Variants in NIPSNAP3B observed in about 807,000 individuals in gnomAD.
NIPSNAP3B encodes the protein protein NipSnap homolog 3B.
A neutral mutation model predicts 31.5 loss-of-function variants in NIPSNAP3B; 30 were observed. The observed-to-expected ratio is 0.95, with a 90% CI of 0.71 to 1.29. The LOEUF is 1.29. NIPSNAP3B is among the 50% of genes most tolerant of loss of function. The pLI, the probability that NIPSNAP3B is intolerant of heterozygous loss-of-function variation, is 0.00. For missense variants in NIPSNAP3B, 269 were observed against 300.7 expected, an observed-to-expected ratio of 0.89 and a Z score of 0.78; for synonymous variants, 106 against 107.9, an observed-to-expected ratio of 0.98 and a Z score of 0.11.
chr9:104,764,342 AGGGGAGGGGC>A, intron 1 of NIPSNAP3B, 42 bp downstream of exon 1: 1 of 1,501,804 alleles, frequency 6.7e-7, no homozygotes, highest in Non-Finnish European at 9.0e-7. Flanking sequence ...GCCGGAGGGG[AGGGGAGGGGC>A]GGGGGGTATT....
At chr9:104,789,376 A>G in the NIPSNAP3B span, among the ~76,000 whole-genome samples, 1 of 152,222 alleles carries the variant, frequency 6.6e-6, no homozygotes, top group African/African-American at 2.4e-5. Context: ...GCAGTTGTGC[A>G]GCGCTAGGCC....
At position 104,775,375 on chromosome 9, in the gene NIPSNAP3B, G is replaced by A. The variant is rs529044008; in HGVS notation, c.*2302G>A. ...AGTTCTCATTTCACTTGACTTGTTA[G>A]CAGTTGACCTCTCCTTTCTTCTGGG... On this transcript the variant is annotated 3_prime_UTR_variant, in exon 6 of 6. Transcript: ENST00000374762. 1.3e-5 allele frequency among the ~76,000 whole-genome samples: 2 copies of A among 151,996 alleles called. No individual in the cohort carries two copies. The highest frequency in any genetic ancestry group is 4.2e-4 in the South Asian group (2 of 4,808).
At chr9:104,770,497 A>G (rs1000542936) in intron 3 of NIPSNAP3B, among the ~76,000 whole-genome samples, 3 of 152,220 alleles carry the variant, frequency 2.0e-5, no homozygotes, top group Admixed American at 1.3e-4. Context: ...TAAAAAGTGT[A>G]GACAGGCAGC....
rs761613671 is a variant in NIPSNAP3B, at chr9:104,770,959, G to A, written c.541G>A (p.Val181Ile). The A allele has an allele frequency of 1.2e-6, 2 of 1,613,904 alleles. No homozygotes were observed. The highest frequency in any genetic ancestry group is 1.7e-6 in the Non-Finnish European group (2 of 1,179,808). The change falls in exon 4 of 6, where the codon GTT (valine) becomes ATT (isoleucine). Residue 181 changes from valine to isoleucine, a missense_variant. Val to Ile is a conservative substitution (Grantham distance 29). Coordinates refer to ENST00000374762, the MANE Select transcript of NIPSNAP3B (RefSeq NM_018376.4). ...TGTCAATTTAGGCTACACAAAAGTA[G>A]TTGGTGTTTTCCACACAGAATATGG... ...AHVNLGYTKV[V>I]GVFHTEYGEL...
At chr9:104,787,739 T>A in the NIPSNAP3B span, 2 of 746,396 alleles carry the variant, frequency 2.7e-6, no homozygotes, top group African/African-American at 3.8e-5. Flanking sequence ...TCTGCAGGCA[T>A]GGTACAGCCA....
the NIPSNAP3B span, chr9:104,785,685 A>G: frequency 3.7e-6 from 6 of 1,610,666 alleles, no homozygotes; most frequent in South Asian, 3.3e-5. Flanking sequence ...CCAGAAAACT[A>G]TTTAAAAGAA....
chr9:104,784,348 T>G, the NIPSNAP3B span: 1 of 1,614,116 alleles, frequency 6.2e-7, no homozygotes, highest in South Asian at 1.1e-5. Flanking sequence ...TCTCATCCTG[T>G]AGAAAAGATG....
the NIPSNAP3B span, among the ~76,000 whole-genome samples, chr9:104,790,063 T>C: frequency 6.7e-6 from 1 of 149,744 alleles, no homozygotes; most frequent in East Asian, 2.0e-4. Context: ...GCCATTGCTC[T>C]CCAGCCTGGG....
intron 1 of NIPSNAP3B, 28 bp from the exon 2 acceptor site, chr9:104,766,297 A>G: frequency 1.9e-6 from 3 of 1,586,764 alleles, no homozygotes; most frequent in Non-Finnish European, 2.6e-6. Flanking sequence ...CCTTCCCAAG[A>G]TATTTACATT....
chr9:104,770,821 G>T (rs1289346373), intron 3 of NIPSNAP3B, 28 bp from the exon 4 acceptor site: 4 of 1,605,088 alleles, frequency 2.5e-6, no homozygotes, highest in Admixed American at 1.7e-5. Context: ...TGTCTTCTGT[G>T]AAATAATTAT....
Position 104,776,396 on chromosome 9 carries a change from T to TG in NIPSNAP3B, c.*3323_*3324insG, listed in dbSNP as rs1828337184. Among the ~76,000 whole-genome samples the TG allele has an allele frequency of 6.6e-6, 1 of 151,812 alleles. No homozygotes were observed. Among genetic ancestry groups the TG allele is most frequent in the Non-Finnish European group, 1.5e-5 (1 of 67,974 alleles). On this transcript the variant is annotated 3_prime_UTR_variant, in exon 6 of 6. Coordinates refer to ENST00000374762, the MANE Select transcript of NIPSNAP3B (RefSeq NM_018376.4). Reference sequence around the variant, plus strand: ...ATCTGCTAGAGACTGAATGTTTTTGTCCCCCCAAAATTCCTATGTTGAAGC... The same window carrying TG: ...ATCTGCTAGAGACTGAATGTTTTTGTGCCCCCCAAAATTCCTATGTTGAAGC...
At chr9:104,767,523 T>C (rs927556498) in intron 2 of NIPSNAP3B, among the ~76,000 whole-genome samples, 2 of 152,170 alleles carry the variant, frequency 1.3e-5, no homozygotes, top group African/African-American at 4.8e-5. Context: ...TAATTTAATA[T>C]GAAAAGTGTT....
At chr9:104,785,653 A>T in the NIPSNAP3B span, 2 of 1,613,830 alleles carry the variant, frequency 1.2e-6, no homozygotes, top group Non-Finnish European at 1.7e-6. Flanking sequence ...AAAGCAGGAA[A>T]AAATACCCAA....
chr9:104,771,981 A>C (rs58746182), intron 4 of NIPSNAP3B, among the ~76,000 whole-genome samples: 1,716 of 152,264 alleles, frequency 0.011, 28 homozygotes, highest in African/African-American at 0.04. Flanking sequence ...ATGATCAGTG[A>C]TATTGAGCAT....
At chr9:104,784,210 T>A in the NIPSNAP3B span, 3 of 1,452,866 alleles carry the variant, frequency 2.1e-6, no homozygotes, top group Non-Finnish European at 2.9e-6. Flanking sequence ...CCAGTTTACT[T>A]CTTCCCACAT....
the NIPSNAP3B span, chr9:104,785,664 A>G: frequency 6.2e-7 from 1 of 1,613,356 alleles, no homozygotes; most frequent in South Asian, 1.1e-5. Context: ...AAATACCCAA[A>G]TGGAGGATCT....
the NIPSNAP3B span, chr9:104,783,976 A>G: frequency 4.5e-6 from 1 of 222,158 alleles, no homozygotes; most frequent in South Asian, 8.3e-5. Context: ...TGCAACCCCA[A>G]TGAGAATACA....
chr9:104,775,363 C>G lies in NIPSNAP3B; in HGVS notation c.*2290C>G, dbSNP rs1828313908. On this transcript the variant is annotated 3_prime_UTR_variant, in exon 6 of 6. Transcript: ENST00000374762. ...AACTCATTTCCCAGTTCTCATTTCA[C>G]TTGACTTGTTAGCAGTTGACCTCTC... Among the ~76,000 whole-genome samples the G allele has an allele frequency of 6.6e-6, 1 of 152,098 alleles. No individual in the cohort carries two copies. The highest frequency in any genetic ancestry group is 1.5e-5 in the Non-Finnish European group (1 of 68,024).
chr9:104,764,711 T>C (rs1828054088), intron 1 of NIPSNAP3B, among the ~76,000 whole-genome samples: 2 of 152,066 alleles, frequency 1.3e-5, no homozygotes, highest in Non-Finnish European at 2.9e-5. Context: ...GGCTAATTTT[T>C]TTTGTGTTTA....
Sources: gnomAD v4.1 joint callset for allele counts (sites outside exome capture counted in the v4.1 genomes callset) on GRCh38, gnomAD v4.1.1 for gene constraint, MANE v1.5 for transcripts, NCBI Gene and HGNC (gene_info 2026-07-23, HGNC 2026-07-21) for gene names.